DMTN: variants seen among roughly 807,000 people sequenced by gnomAD.
DMTN encodes dematin actin binding protein.
Under a neutral mutation model 59.4 loss-of-function variants are expected in DMTN, and 27 were observed. That is an observed-to-expected ratio of 0.45 (90% CI 0.33 to 0.63). DMTN has a LOEUF of 0.63. Ranked by LOEUF, DMTN falls within the 20% of genes least tolerant of loss-of-function variation. DMTN has a pLI of 0.02. For missense variants in DMTN, 451 were observed against 528.9 expected (o/e 0.85, Z 1.45); for synonymous variants, 221 against 203.7 (o/e 1.08, Z -0.72).
At chr8:22,068,932 G>C in intron 4 of DMTN, 84 bp from the exon 5 acceptor site, 1 of 1,482,750 alleles carries the variant, frequency 6.7e-7, no homozygotes, top group African/African-American at 1.4e-5. Context: ...GCTTTGGGTG[G>C]GGGATGAGGT....
chr8:22,073,918 C>G, intron 10 of DMTN, 83 bp downstream of exon 10: 1 of 1,147,512 alleles, frequency 8.7e-7, no homozygotes, highest in South Asian at 1.3e-5. Flanking sequence ...GTGACACATA[C>G]AGGATGCAAT....
chr8:22,062,949 T>C (rs1490400345), intron 1 of DMTN, among the ~76,000 whole-genome samples: 1 of 152,138 alleles, frequency 6.6e-6, no homozygotes, highest in Non-Finnish European at 1.5e-5. Flanking sequence ...CTGTGCCATC[T>C]CTGGCTATTT....
chr8:22,067,543 A>G lies in DMTN; in HGVS notation c.110A>G (p.Gln37Arg). Residue 37 changes from glutamine to arginine, a missense_variant, in exon 4 of 16, where the codon CAG becomes CGG. Coordinates refer to ENST00000358242, the MANE Select transcript of DMTN (RefSeq NM_001387751.1). ...TCCCTTCAGGCCAAGATGGACAATC[A>G]GGTGCTGGGCTACAAGGACCTGGCT... Reference protein sequence around the residue: ...PSSIVAKMDNQVLGYKDLAAI... With the variant: ...PSSIVAKMDNRVLGYKDLAAI... 2 of 1,614,208 alleles carry G rather than the reference A, an allele frequency of 1.2e-6. No homozygotes were observed. The highest frequency in any genetic ancestry group is 1.7e-6 in the Non-Finnish European group (2 of 1,180,038).
At chr8:22,070,451 G>A (rs957502877) in intron 8 of DMTN, 117 bp downstream of exon 8, 58 of 1,316,632 alleles carry the variant, frequency 4.4e-5, no homozygotes, top group African/African-American at 1.2e-4. Context: ...TGTCCTCGTG[G>A]GCTTTTTCCT....
chr8:22,069,382 G>T (rs1178235230), intron 5 of DMTN, 37 bp from the exon 6 acceptor site: 1 of 1,578,700 alleles, frequency 6.3e-7, no homozygotes, highest in Non-Finnish European at 8.7e-7. Flanking sequence ...GTTGGAGGGG[G>T]TTAGGGGCCC....
rs558814846 is a variant in DMTN, at chr8:22,064,010, A to G, written c.-171-2695A>G. Among the ~76,000 whole-genome samples the G allele has an allele frequency of 3.3e-5, 5 of 152,356 alleles. No homozygotes were observed. In the East Asian group the frequency reaches 7.7e-4, roughly 23 times the overall value. ...ATTTGTTGAATGGATGAATAAAACAATACATGACTAAGTAGATGGATGTAT... is the reference window on the plus strand; with the variant it reads ...ATTTGTTGAATGGATGAATAAAACAGTACATGACTAAGTAGATGGATGTAT... On this transcript the variant is annotated intron_variant, in intron 1 of 15. Coordinates refer to ENST00000358242, the MANE Select transcript of DMTN (RefSeq NM_001387751.1).
At position 22,060,214 on chromosome 8, in the gene DMTN, T is replaced by A. The variant is rs1563402238; in HGVS notation, c.-172+3078T>A. Among the ~76,000 whole-genome samples the A allele has an allele frequency of 6.6e-6, 1 of 151,954 alleles. No individual in the cohort carries two copies. On this transcript the variant is annotated intron_variant, in intron 1 of 15. Transcript: ENST00000358242. This position sits in a 1 kb window ranked among gnomAD's most constrained non-coding sequence, Gnocchi z 5.0. The stretch of plus-strand genomic sequence containing the variant: ...CTATCTCTTTGTGCACGGAGGTCGC[T>A]GGGACCTTGGGGATGCAGGCACAGA...
At chr8:22,076,856 A>G (rs2131396992) in intron 10 of DMTN, among the ~76,000 whole-genome samples, 1 of 152,156 alleles carries the variant, frequency 6.6e-6, no homozygotes, top group Admixed American at 6.6e-5. Flanking sequence ...TGGCCTTCAA[A>G]GGCCTCCCCT....
chr8:22,077,386 A>G (rs908485466), intron 10 of DMTN, among the ~76,000 whole-genome samples: 4 of 152,056 alleles, frequency 2.6e-5, no homozygotes, highest in Non-Finnish European at 5.9e-5. Context: ...GGGTTATCTC[A>G]TGTGGAGCAG....
upstream of DMTN, among the ~76,000 whole-genome samples, chr8:22,052,423 G>C (rs1165578397): frequency 6.6e-6 from 1 of 152,216 alleles, no homozygotes; most frequent in Non-Finnish European, 1.5e-5. Context: ...AGAGAGGCCA[G>C]AATCCTGCCT....
rs3063991 is a variant in DMTN, at chr8:22,060,413, GCT to G, written c.-172+3295_-172+3296del. On this transcript the variant is annotated intron_variant, in intron 1 of 15. Coordinates refer to ENST00000358242, the MANE Select transcript of DMTN (RefSeq NM_001387751.1). This position sits in a 1 kb window ranked among gnomAD's most constrained non-coding sequence, Gnocchi z 5.0. ...CTCTCTCTTTCTCTCTTTCTGTCTC[GCT>G]CTCTCTCTCTCTCTCTCCCCCTCAC... Among the ~76,000 whole-genome samples the G allele has an allele frequency of 2.6e-4, 39 of 147,362 alleles. No individual in the cohort carries two copies. The South Asian group carries it at 3.2e-3, about 12-fold the overall frequency.
In DMTN at chr8:22,070,171, T is replaced by C. The variant is rs1419640900; in HGVS notation, c.452-11T>C. 5 of 1,572,986 alleles carry C rather than the reference T, an allele frequency of 3.2e-6. No homozygotes were observed. The highest frequency in any genetic ancestry group is 3.4e-4 in the Middle Eastern group (2 of 5,876). On this transcript the variant is annotated splice_polypyrimidine_tract_variant and intron_variant, in intron 7 of 15. Transcript: ENST00000358242. ...AGGGCACACCTGGCTGACCCTGGCC[T>C]TTGTCTGCAGAGTCCGTGGGAGGCA...
At chr8:22,076,875 G>A (rs1820250161) in intron 10 of DMTN, among the ~76,000 whole-genome samples, 1 of 152,094 alleles carries the variant, frequency 6.6e-6, no homozygotes, top group African/African-American at 2.4e-5. Context: ...CTGTGGGATG[G>A]GAACTTGGAT....
At chr8:22,052,838 A>C (rs1585566516), upstream of DMTN, among the ~76,000 whole-genome samples, 1 of 152,106 alleles carries the variant, frequency 6.6e-6, no homozygotes, top group Admixed American at 6.6e-5. Flanking sequence ...CCCATGTAGC[A>C]CATGTGGATG....
At chr8:22,057,640 T>G (rs976956095) in intron 1 of DMTN, among the ~76,000 whole-genome samples, 30 of 151,264 alleles carry the variant, frequency 2.0e-4, no homozygotes, top group Non-Finnish European at 4.0e-4. Context: ...CAGGCTGGGG[T>G]GGGGCTGAGT....
At chr8:22,053,345 G>A (rs554442322), upstream of DMTN, among the ~76,000 whole-genome samples, 99 of 152,314 alleles carry the variant, frequency 6.5e-4, no homozygotes, top group Non-Finnish European at 1.1e-3. Context: ...TCCAATGCCC[G>A]GAGGCAGGGG....
intron 1 of DMTN, among the ~76,000 whole-genome samples, chr8:22,065,123 T>C (rs1049187860): frequency 2.6e-5 from 4 of 152,194 alleles, no homozygotes; most frequent in African/African-American, 9.6e-5. Flanking sequence ...CTCGATATCA[T>C]GGGCTCAAGT....
chr8:22,053,069 C>T (rs1026602819), upstream of DMTN, among the ~76,000 whole-genome samples: 3 of 151,874 alleles, frequency 2.0e-5, no homozygotes, highest in South Asian at 2.1e-4. Flanking sequence ...ATGCACAGAG[C>T]GGAAAATGAC....
At position 22,063,815 on chromosome 8, in the gene DMTN, A is replaced by G. The variant is rs145594582; in HGVS notation, c.-171-2890A>G. On this transcript the variant is annotated intron_variant, in intron 1 of 15. Transcript: ENST00000358242. Reference sequence around the variant, plus strand: ...CTCCTGTGACTTTTCATAGTGCTTTATACTTTCTTATATGGTACAGGTAAT... The same window carrying G: ...CTCCTGTGACTTTTCATAGTGCTTTGTACTTTCTTATATGGTACAGGTAAT... 2.0e-3 allele frequency among the ~76,000 whole-genome samples: 298 copies of G among 152,126 alleles called. 5 individuals carry two copies. Among genetic ancestry groups the G allele is most frequent in the Non-Finnish European group, 1.9e-3 (130 of 67,998 alleles).
Sources: gnomAD v4.1 joint callset for allele counts (sites outside exome capture counted in the v4.1 genomes callset) on GRCh38, gnomAD v4.1.1 for gene constraint, Gnocchi (gnomAD v3.1) non-coding constraint, MANE v1.5 for transcripts, NCBI Gene and HGNC (gene_info 2026-07-23, HGNC 2026-07-21) for gene names.